Variants in KCNT2 observed in about 807,000 individuals in gnomAD.
The protein encoded by KCNT2 is potassium channel subfamily T member 2.
A neutral mutation model predicts 153.8 loss-of-function variants in KCNT2; 67 were observed. That is an observed-to-expected ratio of 0.44 (90% CI 0.36 to 0.53). The LOEUF is 0.53. Ranked by LOEUF, KCNT2 falls within the 20% of genes least tolerant of loss-of-function variation. The probability of loss-of-function intolerance (pLI) is 0.00; values close to 1 mark genes in which losing one functional copy is unlikely to be tolerated. For synonymous variants in KCNT2, 500 were observed against 458.8 expected (o/e 1.09, Z -1.15); for missense variants, 975 against 1,354.8 (o/e 0.72, Z 4.40).
At chr1:196,482,474 A>C (rs189668292) in intron 3 of KCNT2, 95 bp from the exon 4 acceptor site, 8 of 596,642 alleles carry the variant, frequency 1.3e-5, no homozygotes, top group African/African-American at 1.2e-4. Flanking sequence ...AAAATATGCT[A>C]GCATAAAAAG....
chr1:196,444,739 C>A (rs758863966), intron 8 of KCNT2, among the ~76,000 whole-genome samples: 2 of 151,266 alleles, frequency 1.3e-5, no homozygotes, highest in Non-Finnish European at 3.0e-5. Flanking sequence ...AAGACTCTAA[C>A]AGCACAAATG....
intron 1 of KCNT2, among the ~76,000 whole-genome samples, chr1:196,492,928 T>G (rs1679966404): frequency 6.6e-6 from 1 of 152,188 alleles, no homozygotes; most frequent in South Asian, 2.1e-4. Context: ...CAAATAGAAC[T>G]GTTAAGGTTA....
At chr1:196,378,416 C>T (rs1669154346) in intron 13 of KCNT2, among the ~76,000 whole-genome samples, 1 of 152,026 alleles carries the variant, frequency 6.6e-6, no homozygotes, top group Admixed American at 6.6e-5. Flanking sequence ...GAACTTTGAG[C>T]TGGATGTGTC....
rs750629978 is a variant in KCNT2 at position 196,429,765 on chromosome 1, A to G, written c.639-8T>C. 1.9e-6 allele frequency: 3 copies of G among 1,574,548 alleles called. No individual in the cohort carries two copies. In the South Asian group the frequency reaches 3.5e-5, roughly 18 times the overall value. On this transcript the variant is annotated splice_polypyrimidine_tract_variant and splice_region_variant and intron_variant, in intron 8 of 27. Coordinates refer to ENST00000294725, the MANE Select transcript of KCNT2 (RefSeq NM_198503.5). Reference sequence around the variant, plus strand: ...TGTTGGATCCCACAAATGCTAAAGAAACAAATATGCATTACAATTAAATCT... The same window carrying G: ...TGTTGGATCCCACAAATGCTAAAGAGACAAATATGCATTACAATTAAATCT...
At chr1:196,362,139 T>C (rs1228811282) in intron 14 of KCNT2, among the ~76,000 whole-genome samples, 1 of 152,104 alleles carries the variant, frequency 6.6e-6, no homozygotes, top group Non-Finnish European at 1.5e-5. Context: ...TCTTGCTTTC[T>C]TGCAGTCAGT....
At chr1:196,240,434 A>G (rs1292697967) in intron 26 of KCNT2, among the ~76,000 whole-genome samples, 1 of 152,072 alleles carries the variant, frequency 6.6e-6, no homozygotes, top group Non-Finnish European at 1.5e-5. Flanking sequence ...ATTGATTTAT[A>G]GTTCTTGTAC....
intron 12 of KCNT2, among the ~76,000 whole-genome samples, chr1:196,417,666 C>T (rs1672862884): frequency 6.6e-6 from 1 of 152,032 alleles, no homozygotes; most frequent in Admixed American, 6.6e-5. Flanking sequence ...TTTTCCCATC[C>T]TTTGAATATA....
chr1:196,539,582 T>G (rs1454711900), intron 1 of KCNT2, among the ~76,000 whole-genome samples: 2 of 152,168 alleles, frequency 1.3e-5, no homozygotes, highest in African/African-American at 4.8e-5. Context: ...TATACAGTAT[T>G]CAGTTTTTAT....
At chr1:196,287,476 C>T (rs1659772806) in intron 22 of KCNT2, among the ~76,000 whole-genome samples, 2 of 151,580 alleles carry the variant, frequency 1.3e-5, no homozygotes, top group Admixed American at 1.3e-4. Context: ...AACAAACAAA[C>T]ATTCCTTGGT....
chr1:196,287,101 A>C (rs1389376080), intron 22 of KCNT2, among the ~76,000 whole-genome samples: 1 of 152,056 alleles, frequency 6.6e-6, no homozygotes, highest in Non-Finnish European at 1.5e-5. Flanking sequence ...GAGCGTCTTC[A>C]CTTGAGATAC....
At chr1:196,297,841 T>G (rs951218000) in intron 22 of KCNT2, among the ~76,000 whole-genome samples, 2 of 152,144 alleles carry the variant, frequency 1.3e-5, no homozygotes, top group African/African-American at 4.8e-5. Context: ...AATGTGCTTT[T>G]GTTTGTTTTC....
chr1:196,388,863 C>A (rs1335988939), intron 13 of KCNT2, among the ~76,000 whole-genome samples: 1 of 151,652 alleles, frequency 6.6e-6, no homozygotes, highest in South Asian at 2.1e-4. Flanking sequence ...CTAACATGTA[C>A]ATTAACATTT....
intron 8 of KCNT2, among the ~76,000 whole-genome samples, chr1:196,455,889 A>G (rs1676627905): frequency 6.6e-6 from 1 of 152,034 alleles, no homozygotes; most frequent in South Asian, 2.1e-4. Flanking sequence ...CTTTCAGTAG[A>G]TGGAGAGGCC....
chr1:196,364,498 C>T (rs1480603322), intron 14 of KCNT2, among the ~76,000 whole-genome samples: 1 of 152,094 alleles, frequency 6.6e-6, no homozygotes, highest in African/African-American at 2.4e-5. Flanking sequence ...TGTGTTTCTA[C>T]TGTGGCTGCA....
At chr1:196,347,504 C>A (rs1385386870) in intron 14 of KCNT2, among the ~76,000 whole-genome samples, 1 of 152,204 alleles carries the variant, frequency 6.6e-6, no homozygotes, top group Non-Finnish European at 1.5e-5. Context: ...TCCTAACTCA[C>A]TTCCTTGTTT....
rs545831962 is a variant in KCNT2, at chr1:196,556,270, C to A, written c.95+51945G>T. Among the ~76,000 whole-genome samples, 4 of 151,318 alleles carry A rather than the reference C, an allele frequency of 2.6e-5. No homozygotes were observed. The East Asian group carries it at 7.8e-4, about 30-fold the overall frequency. On this transcript the variant is annotated intron_variant, in intron 1 of 27. Coordinates refer to ENST00000294725, the MANE Select transcript of KCNT2 (RefSeq NM_198503.5). ...ACCCATTTCACAAGAGATTAATAACCAAAATATAAAGAGGTCAAACAACTC... is the reference window on the plus strand; with the variant it reads ...ACCCATTTCACAAGAGATTAATAACAAAAATATAAAGAGGTCAAACAACTC...
intron 12 of KCNT2, among the ~76,000 whole-genome samples, chr1:196,403,197 G>T (rs1439116704): frequency 1.3e-5 from 2 of 151,530 alleles, no homozygotes; most frequent in African/African-American, 2.4e-5. Context: ...TGGATAAACC[G>T]TGCCACATCC....
At chr1:196,471,196 T>C (rs1678080517) in intron 5 of KCNT2, among the ~76,000 whole-genome samples, 1 of 151,994 alleles carries the variant, frequency 6.6e-6, no homozygotes, top group South Asian at 2.1e-4. Flanking sequence ...CATGAGCCAT[T>C]GCGCCCGGCC....
intron 22 of KCNT2, 117 bp downstream of exon 22, chr1:196,305,117 A>T (rs1661509608): frequency 1.5e-6 from 1 of 661,350 alleles, no homozygotes; most frequent in Non-Finnish European, 2.7e-6. Flanking sequence ...TCCCAAATAA[A>T]AATTCAAAAC....
Sources: gnomAD v4.1 joint callset for allele counts (sites outside exome capture counted in the v4.1 genomes callset) on GRCh38, gnomAD v4.1.1 for gene constraint, MANE v1.5 for transcripts, NCBI Gene and HGNC (gene_info 2026-07-23, HGNC 2026-07-21) for gene names.